Variants in MZT1 observed in about 807,000 individuals in gnomAD.
MZT1 encodes mitotic spindle organizing protein 1.
A neutral mutation model predicts 8.5 loss-of-function variants in MZT1; 8 were observed. That is an observed-to-expected ratio of 0.94 (90% confidence interval 0.55 to 1.70). MZT1 has a LOEUF of 1.70. Among genes scored for constraint, MZT1 ranks in the 40% most tolerant of loss-of-function variants. The pLI, the probability that MZT1 is intolerant of heterozygous loss-of-function variation, is 0.00. For missense variants in MZT1, 93 were observed against 108.6 expected (o/e 0.86, Z 0.64); for synonymous variants, 38 against 42.0 (o/e 0.90, Z 0.37).
At chr13:72,711,957 A>G (rs2032492859) in intron 2 of MZT1, among the ~76,000 whole-genome samples, 1 of 152,202 alleles carries the variant, frequency 6.6e-6, no homozygotes, top group Non-Finnish European at 1.5e-5. Flanking sequence ...TTTTATTTTT[A>G]AAATAGCATG....
At chr13:72,716,271 G>A (rs2032534160) in intron 2 of MZT1, among the ~76,000 whole-genome samples, 1 of 152,084 alleles carries the variant, frequency 6.6e-6, no homozygotes, top group South Asian at 2.1e-4. Context: ...CCATAAAAGT[G>A]AGGATAGTAG....
At chr13:72,712,628 T>C (rs183807124) in intron 2 of MZT1, among the ~76,000 whole-genome samples, 10 of 152,354 alleles carry the variant, frequency 6.6e-5, no homozygotes, top group African/African-American at 2.2e-4. Flanking sequence ...TATGGCCCAC[T>C]GGATGCAGAA....
intron 2 of MZT1, among the ~76,000 whole-genome samples, chr13:72,712,536 G>A (rs2032498013): frequency 6.6e-6 from 1 of 152,222 alleles, no homozygotes; most frequent in African/African-American, 2.4e-5. Context: ...TTGTGTATGT[G>A]AGAGACAGAT....
intron 1 of MZT1, among the ~76,000 whole-genome samples, chr13:72,720,701 C>T (rs529054064): frequency 7.6e-4 from 115 of 152,180 alleles, no homozygotes; most frequent in African/African-American, 2.6e-3. Flanking sequence ...CCAGCCTGAC[C>T]AACATGGAGA....
intron 1 of MZT1, among the ~76,000 whole-genome samples, chr13:72,726,485 T>C (rs1269985424): frequency 6.6e-6 from 1 of 151,812 alleles, no homozygotes; most frequent in Non-Finnish European, 1.5e-5. Context: ...GCAGTGAGAA[T>C]TTCATAGGGT....
At position 72,710,327 on chromosome 13, in the gene MZT1, T is replaced by A; in HGVS notation, c.244A>T (p.Ser82Cys). The change falls in exon 3 of 3, where the codon AGC becomes TGC. Residue 82 changes from serine to cysteine, a missense_variant. Coordinates refer to ENST00000377818, the MANE Select transcript of MZT1 (RefSeq NM_001071775.3). Reference protein sequence around the residue: ...EALKAAENMTS With the variant: ...EALKAAENMTC ...ATCAGAATTTCTCCAGAAAGTCAGC[T>A]TGTCATATTTTCAGCAGCCTAGAAC... 1 of 1,613,250 alleles carries A rather than the reference T, an allele frequency of 6.2e-7. No homozygotes were observed. Among genetic ancestry groups the A allele is most frequent in the Non-Finnish European group, 8.5e-7 (1 of 1,179,392 alleles).
intron 2 of MZT1, among the ~76,000 whole-genome samples, chr13:72,716,167 C>T (rs1336976420): frequency 6.6e-6 from 1 of 152,172 alleles, no homozygotes; most frequent in Non-Finnish European, 1.5e-5. Context: ...CTGCCCACCT[C>T]AGCCTCCCAA....
At position 72,727,508 on chromosome 13, in the gene MZT1, C is replaced by A. The variant is rs765571191; in HGVS notation, c.79+16G>T. 24 of 1,612,660 alleles carry A rather than the reference C, an allele frequency of 1.5e-5. No homozygotes were observed. The highest frequency in any genetic ancestry group is 1.9e-5 in the Non-Finnish European group (22 of 1,178,892). On this transcript the variant is annotated intron_variant, in intron 1 of 2. Coordinates refer to ENST00000377818, the MANE Select transcript of MZT1 (RefSeq NM_001071775.3). ...GGGAAGGCACGCAAGGTAAAGGGAG[C>A]GCAACGGAAACTCACCGTCCATGGT...
At chr13:72,726,966 G>C (rs1254238845) in intron 1 of MZT1, among the ~76,000 whole-genome samples, 1 of 152,190 alleles carries the variant, frequency 6.6e-6, no homozygotes, top group African/African-American at 2.4e-5. Context: ...GGTGTCACCC[G>C]CTTCAAGAGG....
At chr13:72,719,437 G>A (rs750889303) in intron 1 of MZT1, among the ~76,000 whole-genome samples, 4 of 151,956 alleles carry the variant, frequency 2.6e-5, no homozygotes, top group Non-Finnish European at 4.4e-5. Flanking sequence ...TTAACTAGTC[G>A]CATATTATTC....
intron 1 of MZT1, among the ~76,000 whole-genome samples, chr13:72,726,744 G>GGA: frequency 7.6e-6 from 1 of 132,132 alleles, no homozygotes; most frequent in East Asian, 2.2e-4. Flanking sequence ...TTATTTTACA[G>GGA]AAAAAAAAAA....
intron 2 of MZT1, among the ~76,000 whole-genome samples, chr13:72,715,116 A>T (rs939873429): frequency 6.6e-6 from 1 of 152,236 alleles, no homozygotes; most frequent in African/African-American, 2.4e-5. Context: ...CCACAGGGGC[A>T]GAGTTGCTCA....
intron 2 of MZT1, among the ~76,000 whole-genome samples, chr13:72,712,997 T>A (rs1220975402): frequency 6.6e-6 from 1 of 152,198 alleles, no homozygotes; most frequent in Non-Finnish European, 1.5e-5. Context: ...TTAGATAATA[T>A]TAAGTCAGGG....
intron 1 of MZT1, among the ~76,000 whole-genome samples, chr13:72,726,872 T>G (rs901606349): frequency 6.6e-6 from 1 of 152,000 alleles, no homozygotes; most frequent in African/African-American, 2.4e-5. Context: ...AGACACAAAT[T>G]TCGTGTTCTG....
At chr13:72,713,237 A>T (rs2032504639) in intron 2 of MZT1, among the ~76,000 whole-genome samples, 1 of 152,210 alleles carries the variant, frequency 6.6e-6, no homozygotes, top group Non-Finnish European at 1.5e-5. Context: ...CTTAGCAGTA[A>T]ACTACTAATA....
chr13:72,719,192 T>G, intron 1 of MZT1, 95 bp from the exon 2 acceptor site: 1 of 955,174 alleles, frequency 1.0e-6, no homozygotes, highest in Non-Finnish European at 1.4e-6. Flanking sequence ...CACTGCACAA[T>G]ACCAAGGAAT....
chr13:72,712,423 G>A (rs2032496872), intron 2 of MZT1, among the ~76,000 whole-genome samples: 1 of 152,178 alleles, frequency 6.6e-6, no homozygotes, highest in Admixed American at 6.5e-5. Context: ...CAAAGTGCTG[G>A]TATTACAGGC....
At chr13:72,726,595 G>A (rs1039324667) in intron 1 of MZT1, among the ~76,000 whole-genome samples, 3 of 152,058 alleles carry the variant, frequency 2.0e-5, no homozygotes, top group African/African-American at 7.2e-5. Flanking sequence ...AATACAGGTG[G>A]ATGTGAGTAA....
In MZT1 at chr13:72,727,621, C is replaced by A. The variant is rs938354276; in HGVS notation, c.-19G>T. ...TCGCCATGGCTAAGGCCGAGGGAGGCGGGAGAAGGGCCTGACCCGGAACTG... is the reference window on the plus strand; with the variant it reads ...TCGCCATGGCTAAGGCCGAGGGAGGAGGGAGAAGGGCCTGACCCGGAACTG... On this transcript the variant is annotated 5_prime_UTR_variant, in exon 1 of 3. Coordinates refer to ENST00000377818, the MANE Select transcript of MZT1 (RefSeq NM_001071775.3). 7 of 1,574,134 alleles carry A rather than the reference C, an allele frequency of 4.4e-6. No individual in the cohort carries two copies. The highest frequency in any genetic ancestry group is 6.0e-6 in the Non-Finnish European group (7 of 1,159,440).
Sources: allele counts gnomAD v4.1 joint callset (sites outside exome capture counted in the v4.1 genomes callset), GRCh38; gene constraint gnomAD v4.1.1; transcripts MANE v1.5; gene names NCBI Gene and HGNC (gene_info 2026-07-23, HGNC 2026-07-21).